Variants in PRR5L observed in about 807,000 individuals in gnomAD.
The protein encoded by PRR5L is proline-rich protein 5-like.
PRR5L carries 21 observed loss-of-function variants against 36.4 expected under a neutral mutation model. The ratio of observed to expected loss-of-function variants is 0.58; its 90% CI spans 0.41 to 0.83. The LOEUF (loss-of-function observed/expected upper bound fraction) is 0.83, where lower values mean the gene tolerates loss of function less well. PRR5L is among the 40% of genes least tolerant of loss of function. PRR5L has a pLI of 0.00. For missense variants in PRR5L, 381 were observed against 473.3 expected (o/e 0.80, Z 1.81); for synonymous variants, 188 against 197.0 (o/e 0.95, Z 0.38).
intron 1 of PRR5L, among the ~76,000 whole-genome samples, chr11:36,365,799 C>T (rs1206193011): frequency 6.6e-6 from 1 of 152,164 alleles, no homozygotes; most frequent in South Asian, 2.1e-4. Flanking sequence ...ATGGGCCAGT[C>T]TGTGTTATTG....
chr11:36,316,003 C>T (rs1324165111), intron 1 of PRR5L, among the ~76,000 whole-genome samples: 1 of 152,166 alleles, frequency 6.6e-6, no homozygotes, highest in Admixed American at 6.5e-5. Context: ...CCTGGGTGAC[C>T]AGGAGGCTTA....
chr11:36,377,603 T>C lies in PRR5L; in HGVS notation c.-125-23394T>C, dbSNP rs969624586. 2 of 152,384 alleles carry C rather than the reference T, an allele frequency of 1.3e-5. No homozygotes were observed. Among genetic ancestry groups the C allele is most frequent in the African/African-American group, 4.8e-5 (2 of 41,466 alleles). 9.4% of individuals were successfully genotyped at this position (152,384 alleles called of 1,614,324 possible). A position where few individuals can be genotyped will look rare whatever the true frequency, so the allele number is the denominator to read the frequency against. On this transcript the variant is annotated intron_variant, in intron 1 of 8. Coordinates refer to ENST00000530639, the MANE Select transcript of PRR5L (RefSeq NM_001160167.2). The surrounding 1 kb of genome is among the most constrained non-coding windows in gnomAD (Gnocchi z 5.1). ...CTTCAGGAATCCGCTCTGGGATGCCTTCCTGTCTGGCAAAAGGGGTTACCC... is the reference window on the plus strand; with the variant it reads ...CTTCAGGAATCCGCTCTGGGATGCCCTCCTGTCTGGCAAAAGGGGTTACCC...
At chr11:36,328,403 G>T (rs1359589771) in intron 1 of PRR5L, among the ~76,000 whole-genome samples, 3 of 152,152 alleles carry the variant, frequency 2.0e-5, no homozygotes, top group African/African-American at 7.2e-5. Flanking sequence ...TGCTGTTCTT[G>T]TGATAGAGTT....
intron 1 of PRR5L, among the ~76,000 whole-genome samples, chr11:36,384,041 C>T (rs566054111): frequency 6.6e-6 from 1 of 152,226 alleles, no homozygotes; most frequent in East Asian, 1.9e-4. Flanking sequence ...ATCTTTGTGG[C>T]AAGAGTAGTA....
intron 1 of PRR5L, among the ~76,000 whole-genome samples, chr11:36,383,495 A>G (rs1303551666): frequency 6.6e-6 from 1 of 152,156 alleles, no homozygotes. Flanking sequence ...TTTCTCCAGT[A>G]TTTAAAAGTT....
intron 1 of PRR5L, among the ~76,000 whole-genome samples, chr11:36,361,710 C>T (rs1187078004): frequency 2.0e-5 from 3 of 152,182 alleles, no homozygotes; most frequent in African/African-American, 7.2e-5. Flanking sequence ...AAAGAGACAA[C>T]CTTTTTCATT....
At chr11:36,348,759 A>G (rs1288469868) in intron 1 of PRR5L, among the ~76,000 whole-genome samples, 1 of 152,206 alleles carries the variant, frequency 6.6e-6, no homozygotes. Context: ...AGATGTCTTC[A>G]CAGATAATCA....
intron 1 of PRR5L, among the ~76,000 whole-genome samples, chr11:36,382,536 G>A (rs1205717425): frequency 6.6e-6 from 1 of 152,194 alleles, no homozygotes; most frequent in Admixed American, 6.5e-5. Context: ...GTGCCAGAAT[G>A]TCTAAGAAGC....
At chr11:36,362,857 TG>T (rs1172403469) in intron 1 of PRR5L, among the ~76,000 whole-genome samples, 3 of 149,590 alleles carry the variant, frequency 2.0e-5, no homozygotes, top group Non-Finnish European at 4.4e-5. Flanking sequence ...GCTGCATGGG[TG>T]GGGGCTGGGG....
At chr11:36,329,718 T>C (rs1329132970) in intron 1 of PRR5L, among the ~76,000 whole-genome samples, 3 of 152,198 alleles carry the variant, frequency 2.0e-5, no homozygotes, top group East Asian at 3.9e-4. Context: ...ATTGGACCTT[T>C]AAAAGCCTTT....
chr11:36,334,452 C>G (rs1026400519), intron 1 of PRR5L, among the ~76,000 whole-genome samples: 16 of 152,216 alleles, frequency 1.1e-4, no homozygotes, highest in Non-Finnish European at 2.2e-4. Context: ...CTGCCTTGTA[C>G]CTTACTCTTG....
At chr11:36,315,661 T>C (rs956862870) in intron 1 of PRR5L, among the ~76,000 whole-genome samples, 5 of 152,232 alleles carry the variant, frequency 3.3e-5, no homozygotes, top group East Asian at 1.9e-4. Context: ...TTTGATTTTG[T>C]ATAAACTGTG....
intron 1 of PRR5L, among the ~76,000 whole-genome samples, chr11:36,356,084 G>C (rs969332087): frequency 1.3e-5 from 2 of 150,910 alleles, no homozygotes; most frequent in African/African-American, 4.9e-5. Context: ...GCTAATTTTT[G>C]TATTTTTTGT....
intron 1 of PRR5L, among the ~76,000 whole-genome samples, chr11:36,365,980 T>C (rs35923330): frequency 0.24 from 36,506 of 152,136 alleles, 5,427 homozygotes; most frequent in Non-Finnish European, 0.33. Flanking sequence ...CACTTTCTGC[T>C]CTTGCAGAAA....
At chr11:36,375,683 CA>C (rs1857247240) in intron 1 of PRR5L, among the ~76,000 whole-genome samples, 6 of 152,136 alleles carry the variant, frequency 3.9e-5, no homozygotes. Flanking sequence ...CAAAAAACAA[CA>C]AGAACAACAA....
chr11:36,460,890 G>A (rs1245120628), intron 8 of PRR5L, among the ~76,000 whole-genome samples: 1 of 152,240 alleles, frequency 6.6e-6, no homozygotes, highest in Non-Finnish European at 1.5e-5. Flanking sequence ...AGCTTTCTCA[G>A]GCTGCTGCCA....
At chr11:36,460,040 G>A (rs1193913709) in intron 8 of PRR5L, among the ~76,000 whole-genome samples, 1 of 152,146 alleles carries the variant, frequency 6.6e-6, no homozygotes, top group Non-Finnish European at 1.5e-5. Context: ...GCCCAGAGAT[G>A]ATAACTAGAT....
chr11:36,415,144 G>T (rs1233572299), intron 3 of PRR5L, among the ~76,000 whole-genome samples: 1 of 152,030 alleles, frequency 6.6e-6, no homozygotes, highest in Non-Finnish European at 1.5e-5. Flanking sequence ...GTCAGGTAGT[G>T]TGATGCCTCC....
intron 1 of PRR5L, among the ~76,000 whole-genome samples, chr11:36,351,246 ATTTT>A (rs1407230578): frequency 1.3e-5 from 1 of 74,576 alleles, no homozygotes; most frequent in African/African-American, 5.7e-5. Flanking sequence ...ATTTATATAT[ATTTT>A]TATATATGTA....
Sources: allele counts gnomAD v4.1 joint callset (sites outside exome capture counted in the v4.1 genomes callset), GRCh38; gene constraint gnomAD v4.1.1; non-coding constraint Gnocchi (gnomAD v3.1); transcripts MANE v1.5; gene names NCBI Gene and HGNC (gene_info 2026-07-23, HGNC 2026-07-21).